MDFIC: variants seen among roughly 807,000 people sequenced by gnomAD.
The protein encoded by MDFIC is myoD family inhibitor domain-containing protein.
Under a neutral mutation model 23.2 loss-of-function variants are expected in MDFIC, and 17 were observed. The observed-to-expected ratio is 0.73, with a 90% CI of 0.50 to 1.10. The LOEUF is 1.10. Among genes scored for constraint, MDFIC ranks in the 50% least tolerant of loss-of-function variants. The pLI is 0.00. For missense variants in MDFIC, 356 were observed against 316.6 expected, an observed-to-expected ratio of 1.12 and a Z score of -0.95; for synonymous variants, 120 against 115.2, an observed-to-expected ratio of 1.04 and a Z score of -0.27.
chr7:114,980,886 C>T (rs1336846007), intron 4 of MDFIC, among the ~76,000 whole-genome samples: 1 of 152,152 alleles, frequency 6.6e-6, no homozygotes, highest in Non-Finnish European at 1.5e-5. Flanking sequence ...TGCATTTTGG[C>T]TACAGGTGTC....
chr7:114,986,557 G>C (rs1793517634), intron 4 of MDFIC, among the ~76,000 whole-genome samples: 1 of 152,238 alleles, frequency 6.6e-6, no homozygotes, highest in East Asian at 1.9e-4. Context: ...CAAACTCCAG[G>C]TCTAACTCCT....
intron 2 of MDFIC, among the ~76,000 whole-genome samples, chr7:114,929,782 C>T (rs576565194): frequency 4.6e-5 from 7 of 151,910 alleles, no homozygotes; most frequent in Middle Eastern, 3.4e-3. Flanking sequence ...AGAAGAAAGC[C>T]GGAAGTTAGA....
At chr7:114,954,503 G>A (rs1321189197) in intron 3 of MDFIC, among the ~76,000 whole-genome samples, 1 of 152,210 alleles carries the variant, frequency 6.6e-6, no homozygotes, top group South Asian at 2.1e-4. Context: ...GTAATGGAAG[G>A]ATTAATTATA....
intron 3 of MDFIC, among the ~76,000 whole-genome samples, 178 bp from the exon 4 acceptor site, chr7:114,979,328 A>G (rs1793373701): frequency 6.6e-6 from 1 of 152,058 alleles, no homozygotes; most frequent in African/African-American, 2.4e-5. Flanking sequence ...TTTCCATTTT[A>G]GTAAATTATA....
At chr7:114,936,005 T>C (rs1352860580) in intron 2 of MDFIC, among the ~76,000 whole-genome samples, 1 of 152,190 alleles carries the variant, frequency 6.6e-6, no homozygotes, top group Non-Finnish European at 1.5e-5. Context: ...TCTTATTCTA[T>C]ATCAGACACT....
intron 3 of MDFIC, among the ~76,000 whole-genome samples, chr7:114,971,897 T>A (rs1054941424): frequency 6.6e-6 from 1 of 152,058 alleles, no homozygotes; most frequent in Non-Finnish European, 1.5e-5. Flanking sequence ...TATATTAACT[T>A]GAAAATGTTT....
chr7:114,983,702 G>T (rs1322494195), intron 4 of MDFIC, among the ~76,000 whole-genome samples: 1 of 151,326 alleles, frequency 6.6e-6, no homozygotes, highest in East Asian at 1.9e-4. Context: ...TGAGTAGCTG[G>T]AATTACAGGC....
intron 4 of MDFIC, among the ~76,000 whole-genome samples, chr7:115,010,201 A>G (rs932383111): frequency 6.6e-6 from 1 of 152,192 alleles, no homozygotes; most frequent in African/African-American, 2.4e-5. Context: ...TTTGCCTCAA[A>G]TAAAACCACC....
At chr7:114,961,837 C>A (rs569148758) in intron 3 of MDFIC, among the ~76,000 whole-genome samples, 80 of 152,278 alleles carry the variant, frequency 5.3e-4, no homozygotes, top group Admixed American at 2.0e-3. Context: ...GCTCCTACAA[C>A]ACTGGAGATT....
chr7:115,018,585 T>C lies in MDFIC; in HGVS notation c.*2650T>C, dbSNP rs192019459. 1.3e-3 allele frequency: 197 copies of C among 152,560 alleles called. 1 individual carries two copies. The highest frequency in any genetic ancestry group is 4.4e-3 in the African/African-American group (182 of 41,566). 9.5% of individuals were successfully genotyped at this position (152,560 alleles called of 1,614,324 possible). A position where few individuals can be genotyped will look rare whatever the true frequency, so the allele number is the denominator to read the frequency against. The stretch of plus-strand genomic sequence containing the variant: ...AATAGTTTCAATATATCTTATGATT[T>C]CTTAATGTAAAATGTTTTGTTGAAG... On this transcript the variant is annotated 3_prime_UTR_variant, in exon 5 of 5. Coordinates refer to ENST00000393486, the MANE Select transcript of MDFIC (RefSeq NM_001166345.3).
At position 114,938,787 on chromosome 7, in the gene MDFIC, T is replaced by A. The variant is rs753612627; in HGVS notation, c.95-3488T>A. Among the ~76,000 whole-genome samples, 32 of 8,652 alleles carry A rather than the reference T, an allele frequency of 3.7e-3. 1 individual carries two copies. Among genetic ancestry groups the A allele is most frequent in the Non-Finnish European group, 7.5e-4 (3 of 4,000 alleles). 5.7% of individuals were successfully genotyped at this position (8,652 alleles called of 152,430 possible). ...AAATCAACTGATTGTCTATGGGTTG[T>A]CTTTCAGGTCTACCCTACTAGTTGA... On this transcript the variant is annotated intron_variant, in intron 2 of 4. Coordinates refer to ENST00000393486, the MANE Select transcript of MDFIC (RefSeq NM_001166345.3).
intron 3 of MDFIC, among the ~76,000 whole-genome samples, chr7:114,972,928 C>G (rs146167707): frequency 6.6e-6 from 1 of 152,096 alleles, no homozygotes; most frequent in Non-Finnish European, 1.5e-5. Flanking sequence ...CTAAGGTCCA[C>G]TGTAGCTGTG....
intron 4 of MDFIC, among the ~76,000 whole-genome samples, chr7:115,005,513 T>C (rs1463287140): frequency 2.6e-5 from 4 of 152,236 alleles, no homozygotes; most frequent in Admixed American, 6.5e-5. Context: ...AATAACTCAG[T>C]TGGGGAGTGG....
chr7:114,989,024 C>T (rs1204518995), intron 4 of MDFIC, among the ~76,000 whole-genome samples: 1 of 152,092 alleles, frequency 6.6e-6, no homozygotes, highest in Non-Finnish European at 1.5e-5. Flanking sequence ...TCAGATTTTT[C>T]TCCAGAGGTA....
chr7:114,985,538 T>TGTC (rs2115994116), intron 4 of MDFIC, among the ~76,000 whole-genome samples: 1 of 152,084 alleles, frequency 6.6e-6, no homozygotes, highest in South Asian at 2.1e-4. Context: ...GTTAGATAAG[T>TGTC]AAACATGTGT....
intron 4 of MDFIC, among the ~76,000 whole-genome samples, chr7:114,987,548 G>A (rs1563150092): frequency 6.6e-6 from 1 of 152,146 alleles, no homozygotes; most frequent in Non-Finnish European, 1.5e-5. Flanking sequence ...TCCATCCCAT[G>A]TTACAATAAT....
chr7:115,014,291 T>A, intron 4 of MDFIC: 1 of 985,442 alleles, frequency 1.0e-6, no homozygotes, highest in Non-Finnish European at 1.2e-6. Flanking sequence ...CCCTGGTGTT[T>A]GTTTTTCTTT....
intron 2 of MDFIC, among the ~76,000 whole-genome samples, chr7:114,941,193 T>A (rs1792532252): frequency 6.6e-6 from 1 of 152,234 alleles, no homozygotes; most frequent in Admixed American, 6.5e-5. Context: ...AAGCCAGAAC[T>A]GAGAATCACA....
chr7:115,013,104 T>C (rs1307194434), intron 4 of MDFIC, among the ~76,000 whole-genome samples: 4 of 152,136 alleles, frequency 2.6e-5, no homozygotes, highest in African/African-American at 7.2e-5. Flanking sequence ...AAATCTCAAA[T>C]ACAGGATGTT....
Sources: gnomAD v4.1 joint callset for allele counts (sites outside exome capture counted in the v4.1 genomes callset) on GRCh38, gnomAD v4.1.1 for gene constraint, MANE v1.5 for transcripts, NCBI Gene and HGNC (gene_info 2026-07-23, HGNC 2026-07-21) for gene names.